The following SDK1 variants were observed in gnomAD, a reference collection of about 807,000 sequenced individuals.
The protein encoded by SDK1 is protein sidekick-1.
A neutral mutation model predicts 245.5 loss-of-function variants in SDK1; 157 were observed. That is an observed-to-expected ratio of 0.64 (90% CI 0.56 to 0.73). The LOEUF is 0.73. Ranked by LOEUF, SDK1 falls within the 30% of genes least tolerant of loss-of-function variation. The pLI, the probability that SDK1 is intolerant of heterozygous loss-of-function variation, is 0.00. For missense variants in SDK1, 3,583 were observed against 3,002.3 expected (o/e 1.19, Z -4.52); for synonymous variants, 1,647 against 1,278.5 (o/e 1.29, Z -6.15).
At chr7:3,886,087 G>C (rs778367032) in intron 5 of SDK1, among the ~76,000 whole-genome samples, 4 of 152,330 alleles carry the variant, frequency 2.6e-5, no homozygotes, top group Admixed American at 1.3e-4. Context: ...GCCCCGCAGA[G>C]ACCTGCAGCT....
At chr7:3,730,573 C>T (rs1302859493) in intron 4 of SDK1, among the ~76,000 whole-genome samples, 2 of 152,088 alleles carry the variant, frequency 1.3e-5, no homozygotes, top group Non-Finnish European at 2.9e-5. Context: ...GATTGAGTGT[C>T]CTGGCAGCAG....
rs181979559 is a variant in SDK1, at chr7:3,703,351, A to G, written c.713+61246A>G. 1.3e-3 allele frequency among the ~76,000 whole-genome samples: 196 copies of G among 152,344 alleles called. 2 individuals are homozygous for G. Among genetic ancestry groups the G allele is most frequent in the African/African-American group, 4.6e-3 (190 of 41,586 alleles). On this transcript the variant is annotated intron_variant, in intron 4 of 44. Coordinates refer to ENST00000404826, the MANE Select transcript of SDK1 (RefSeq NM_152744.4). The stretch of plus-strand genomic sequence containing the variant: ...AGTCTGAGGGGAATTACACTGAAAA[A>G]AAGCCTGACTTGAAAGGTCACATGT...
intron 1 of SDK1, among the ~76,000 whole-genome samples, chr7:3,383,607 T>C (rs973914413): frequency 6.6e-6 from 1 of 152,224 alleles, no homozygotes; most frequent in African/African-American, 2.4e-5. Context: ...CTGGATGGTC[T>C]TGATATTTTC....
chr7:4,008,195 C>G (rs1365255169), intron 14 of SDK1, among the ~76,000 whole-genome samples: 1 of 152,200 alleles, frequency 6.6e-6, no homozygotes, highest in Non-Finnish European at 1.5e-5. Flanking sequence ...CAAGGTTCAT[C>G]CATGTTCCGC....
intron 17 of SDK1, 131 bp from the exon 18 acceptor site, chr7:4,049,217 C>T (rs1013200195): frequency 1.6e-6 from 1 of 641,344 alleles, no homozygotes; most frequent in African/African-American, 1.8e-5. Context: ...AAACATTCAT[C>T]ACACTTCCTC....
chr7:3,503,693 A>T lies in SDK1; in HGVS notation c.299-115387A>T, dbSNP rs139843599. On this transcript the variant is annotated intron_variant, in intron 1 of 44. Transcript: ENST00000404826. ...CCTTCATATCTTAAAAAAACAAAAC[A>T]AAATGCATTTATAGTACCATTAATA... 3.5e-3 allele frequency among the ~76,000 whole-genome samples: 540 copies of T among 152,196 alleles called. 7 individuals carry two copies. Among genetic ancestry groups the T allele is most frequent in the African/African-American group, 0.012 (493 of 41,518 alleles).
intron 44 of SDK1, among the ~76,000 whole-genome samples, chr7:4,258,209 C>T (rs569990978): frequency 6.6e-6 from 1 of 152,322 alleles, no homozygotes; most frequent in South Asian, 2.1e-4. Flanking sequence ...GTGCTACACT[C>T]ATTCTCTAAG....
At chr7:4,108,966 C>G (rs976818981) in intron 22 of SDK1, among the ~76,000 whole-genome samples, 7 of 152,210 alleles carry the variant, frequency 4.6e-5, no homozygotes, top group African/African-American at 1.7e-4. Flanking sequence ...TTCCATCAGT[C>G]ATGTTTTGAG....
At chr7:3,903,891 A>G (rs554677811) in intron 5 of SDK1, among the ~76,000 whole-genome samples, 1 of 152,102 alleles carries the variant, frequency 6.6e-6, no homozygotes, top group Non-Finnish European at 1.5e-5. Context: ...TGGTTGTTAA[A>G]AAAGAGCCTT....
At chr7:3,561,929 T>G (rs1471750020) in intron 1 of SDK1, among the ~76,000 whole-genome samples, 1 of 152,262 alleles carries the variant, frequency 6.6e-6, no homozygotes, top group Non-Finnish European at 1.5e-5. Context: ...AATGCACATT[T>G]GCTTTCATTT....
At chr7:3,905,294 G>A (rs575955199) in intron 5 of SDK1, among the ~76,000 whole-genome samples, 77 of 152,012 alleles carry the variant, frequency 5.1e-4, no homozygotes, top group Non-Finnish European at 8.4e-4. Flanking sequence ...AAGTAATGCC[G>A]CAATGAATAT....
At chr7:3,594,656 C>T (rs1780995252) in intron 1 of SDK1, among the ~76,000 whole-genome samples, 1 of 152,258 alleles carries the variant, frequency 6.6e-6, no homozygotes, top group African/African-American at 2.4e-5. Flanking sequence ...GGGTGGGTTA[C>T]CTCATTAATT....
At chr7:3,732,732 G>A (rs1365858314) in intron 4 of SDK1, among the ~76,000 whole-genome samples, 1 of 152,142 alleles carries the variant, frequency 6.6e-6, no homozygotes. Flanking sequence ...TGACAGAGAG[G>A]GTACGAAAAC....
intron 5 of SDK1, among the ~76,000 whole-genome samples, chr7:3,853,112 C>G (rs1214948041): frequency 6.6e-6 from 1 of 151,998 alleles, no homozygotes; most frequent in African/African-American, 2.4e-5. Flanking sequence ...GCTTCACATC[C>G]TGTGAATACT....
At chr7:3,344,247 G>A (rs1780433961) in intron 1 of SDK1, among the ~76,000 whole-genome samples, 1 of 152,098 alleles carries the variant, frequency 6.6e-6, no homozygotes, top group Non-Finnish European at 1.5e-5. Flanking sequence ...TTTTAAAAAT[G>A]GTGGTAAAAT....
At chr7:3,318,894 G>T (rs12700790) in intron 1 of SDK1, among the ~76,000 whole-genome samples, 1 of 152,068 alleles carries the variant, frequency 6.6e-6, no homozygotes, top group Non-Finnish European at 1.5e-5. Context: ...TTTTGTGATT[G>T]GGATTTCAGC....
intron 17 of SDK1, among the ~76,000 whole-genome samples, chr7:4,043,842 A>C (rs1270803099): frequency 6.6e-6 from 1 of 152,052 alleles, no homozygotes; most frequent in Non-Finnish European, 1.5e-5. Flanking sequence ...CCAGAGCTAA[A>C]CCTACCGAGA....
At chr7:3,519,748 C>G (rs1388565913) in intron 1 of SDK1, among the ~76,000 whole-genome samples, 1 of 151,894 alleles carries the variant, frequency 6.6e-6, no homozygotes, top group Non-Finnish European at 1.5e-5. Flanking sequence ...TAGAGGTTAT[C>G]ATTAAATAAG....
rs565446550 is a variant in SDK1, at chr7:4,191,278, C to A, written c.5098+12692C>A. Among the ~76,000 whole-genome samples, 58 of 152,300 alleles carry A rather than the reference C, an allele frequency of 3.8e-4. 1 individual carries two copies. Among genetic ancestry groups the A allele is most frequent in the African/African-American group, 1.3e-3 (54 of 41,568 alleles). On this transcript the variant is annotated intron_variant, in intron 35 of 44. Transcript: ENST00000404826. ...CGCGGTCACATGGGTGTCCTCCTGG[C>A]CCCCAGGCCAGGGTTCCCTTTCGTG...
Sources: allele counts gnomAD v4.1 joint callset (sites outside exome capture counted in the v4.1 genomes callset), GRCh38; gene constraint gnomAD v4.1.1; transcripts MANE v1.5; gene names NCBI Gene and HGNC (gene_info 2026-07-23, HGNC 2026-07-21).